The following HPS3 variants were observed in gnomAD, a reference collection of about 807,000 sequenced individuals.
HPS3 encodes BLOC-2 complex member HPS3.
In HPS3, 79 loss-of-function variants were observed where a neutral mutation model predicts 110.9. That is an observed-to-expected ratio of 0.71 (90% confidence interval 0.59 to 0.86). HPS3 has a LOEUF of 0.86. Ranked by LOEUF, HPS3 falls within the 40% of genes least tolerant of loss-of-function variation. The pLI is 0.00. For missense variants in HPS3, 1,197 were observed against 1,206.2 expected, an observed-to-expected ratio of 0.99 and a Z score of 0.11; for synonymous variants, 428 against 451.0, an observed-to-expected ratio of 0.95 and a Z score of 0.65.
At chr3:149,164,000 G>A (rs1724159124) in intron 14 of HPS3, 51 bp downstream of exon 14, 3 of 960,244 alleles carry the variant, frequency 3.1e-6, no homozygotes, top group Admixed American at 1.8e-5. Context: ...ACAATATAGT[G>A]TAAGATTAAA....
At chr3:149,161,439 A>C (rs1387038552) in intron 11 of HPS3, among the ~76,000 whole-genome samples, 3 of 144,964 alleles carry the variant, frequency 2.1e-5, no homozygotes, top group Admixed American at 6.9e-5. Context: ...ATAGTTGTTA[A>C]TACTGCATTG....
intron 1 of HPS3, among the ~76,000 whole-genome samples, chr3:149,132,917 G>A (rs1387632517): frequency 1.3e-5 from 2 of 152,236 alleles, no homozygotes; most frequent in Admixed American, 1.3e-4. Flanking sequence ...TGAAATAACA[G>A]TAGATGTAGT....
intron 1 of HPS3, chr3:149,130,491 A>G (rs1721696956): frequency 6.5e-6 from 1 of 154,664 alleles, no homozygotes; most frequent in South Asian, 1.9e-4. Context: ...TCTTCTCTTA[A>G]ACATCTGTGG....
chr3:149,146,354 T>C (rs1005960652), intron 5 of HPS3, among the ~76,000 whole-genome samples: 3 of 152,070 alleles, frequency 2.0e-5, no homozygotes, highest in African/African-American at 7.2e-5. Flanking sequence ...GAAAGTGCCA[T>C]TGACATTGGG....
chr3:149,129,904 C>T lies in HPS3; in HGVS notation c.181C>T (p.Leu61=), dbSNP rs764652286. ...LCQPRCAFST[L]GRVLRLAYSE... ...CCAGCCGCGGTGCGCCTTCTCCACG[C>T]TGGGCCGGGTGTTGCGCCTGGCCTA... is the stretch of plus-strand genomic sequence containing the variant. Residue 61 remains leucine (L), a synonymous_variant, in exon 1 of 17, where the codon CTG becomes TTG. Coordinates refer to ENST00000296051, the MANE Select transcript of HPS3 (RefSeq NM_032383.5). The T allele has an allele frequency of 1.3e-6, 2 of 1,574,652 alleles. No homozygotes were observed. The highest frequency in any genetic ancestry group is 1.7e-6 in the Non-Finnish European group (2 of 1,166,718).
At chr3:149,134,522 C>T (rs957551256) in intron 1 of HPS3, among the ~76,000 whole-genome samples, 3 of 152,156 alleles carry the variant, frequency 2.0e-5, no homozygotes, top group South Asian at 2.1e-4. Flanking sequence ...TCTTACCTGT[C>T]GGATCCTTGG....
At chr3:149,133,382 C>A (rs569909392) in intron 1 of HPS3, among the ~76,000 whole-genome samples, 3 of 152,208 alleles carry the variant, frequency 2.0e-5, no homozygotes, top group South Asian at 2.1e-4. Context: ...TCACCACAAC[C>A]TCCACCTCCC....
At chr3:149,164,027 G>T (rs564527190) in intron 14 of HPS3, 78 bp downstream of exon 14, 2 of 754,782 alleles carry the variant, frequency 2.6e-6, no homozygotes, top group South Asian at 3.0e-5. Flanking sequence ...GAGACCCCAG[G>T]TGTCCTGTTA....
intron 1 of HPS3, among the ~76,000 whole-genome samples, chr3:149,134,836 C>T (rs893207161): frequency 1.3e-5 from 2 of 152,206 alleles, no homozygotes; most frequent in Non-Finnish European, 2.9e-5. Flanking sequence ...GGTCATGTAG[C>T]TCAAGGGTAA....
At chr3:149,147,926 A>C (rs1265540621) in intron 5 of HPS3, among the ~76,000 whole-genome samples, 1 of 152,168 alleles carries the variant, frequency 6.6e-6, no homozygotes, top group East Asian at 1.9e-4. Context: ...GCTGGAGTGC[A>C]ATGGCGCGGT....
At chr3:149,170,628 T>G (rs2108194390) in intron 16 of HPS3, 1 of 152,346 alleles carries the variant, frequency 6.6e-6, no homozygotes, top group Middle Eastern at 3.4e-3. Flanking sequence ...ATTCCAGAAC[T>G]AGGAATCTTT....
intron 10 of HPS3, among the ~76,000 whole-genome samples, chr3:149,159,099 G>A (rs978125508): frequency 2.0e-5 from 3 of 152,124 alleles, no homozygotes; most frequent in Admixed American, 6.5e-5. Flanking sequence ...CTCAACACCT[G>A]CCCAGTGACA....
intron 1 of HPS3, among the ~76,000 whole-genome samples, chr3:149,138,389 A>AT (rs1722249014): frequency 6.6e-6 from 1 of 152,238 alleles, no homozygotes; most frequent in Non-Finnish European, 1.5e-5. Flanking sequence ...TAGAGTCTAC[A>AT]TTTGGAAGAA....
In HPS3 at chr3:149,145,544, A is replaced by G. The variant is rs541242212; in HGVS notation, c.1161A>G (p.Thr387=). ...CGCCACAATTTTTGCACGTCATTACAAGGTACTGTTAGAGGGTCACTTGCT... is the reference window on the plus strand; with the variant it reads ...CGCCACAATTTTTGCACGTCATTACGAGGTACTGTTAGAGGGTCACTTGCT... ...VLTPQFLHVI[T]SNNLQCFTVR... Residue 387 remains threonine, a splice_region_variant and synonymous_variant, in exon 5 of 17, where the codon ACA becomes ACG. Coordinates refer to ENST00000296051, the MANE Select transcript of HPS3 (RefSeq NM_032383.5). The G allele has an allele frequency of 1.2e-6, 2 of 1,613,388 alleles. No individual in the cohort carries two copies. The highest frequency in any genetic ancestry group is 2.2e-5 in the South Asian group (2 of 91,066).
At chr3:149,148,001 G>T (rs928294374) in intron 5 of HPS3, among the ~76,000 whole-genome samples, 1 of 151,922 alleles carries the variant, frequency 6.6e-6, no homozygotes, top group Non-Finnish European at 1.5e-5. Flanking sequence ...CTCCCAAGTC[G>T]CTGGGATTAT....
chr3:149,130,702 C>G (rs1721711535), intron 1 of HPS3, among the ~76,000 whole-genome samples: 1 of 152,126 alleles, frequency 6.6e-6, no homozygotes, highest in Non-Finnish European at 1.5e-5. Flanking sequence ...ATCGCTTGAA[C>G]CGGGGAGGCG....
intron 11 of HPS3, 39 bp downstream of exon 11, chr3:149,160,318 A>G (rs368186349): frequency 2.3e-6 from 3 of 1,314,682 alleles, no homozygotes; most frequent in Non-Finnish European, 3.3e-6. Flanking sequence ...AGGCTGAAAT[A>G]GGACCTGGTA....
At chr3:149,139,855 C>G in intron 1 of HPS3, 149 bp from the exon 2 acceptor site, 1 of 715,794 alleles carries the variant, frequency 1.4e-6, no homozygotes, top group Non-Finnish European at 2.3e-6. Context: ...GTCAAAAATA[C>G]ACCTAAGATT....
At position 149,167,134 on chromosome 3, in the gene HPS3, G is replaced by A. The variant is rs1283774552; in HGVS notation, c.2690G>A (p.Cys897Tyr). The A allele has an allele frequency of 2.5e-6, 4 of 1,613,910 alleles. No homozygotes were observed. Among genetic ancestry groups the A allele is most frequent in the Non-Finnish European group, 3.4e-6 (4 of 1,179,828 alleles). ...GCCGGCCTCAGTGTCCATGTTCTGT[G>A]TCGTACACGCTTGAAAGAGTATGAA... ...TIAGLSVHVL[C>Y]RTRLKEYEQC... Residue 897 changes from cysteine to tyrosine, a missense_variant, in exon 15 of 17, where the codon TGT becomes TAT. Physicochemically the swap from Cys to Tyr is radical, Grantham distance 194. Transcript: ENST00000296051.
Sources: gnomAD v4.1 joint callset for allele counts (sites outside exome capture counted in the v4.1 genomes callset) on GRCh38, gnomAD v4.1.1 for gene constraint, MANE v1.5 for transcripts, NCBI Gene and HGNC (gene_info 2026-07-23, HGNC 2026-07-21) for gene names.